TOM1L1: variants seen among roughly 807,000 people sequenced by gnomAD.
The protein encoded by TOM1L1 is TOM1-like protein 1.
TOM1L1 carries 64 observed loss-of-function variants against 63.4 expected under a neutral mutation model. The observed-to-expected ratio is 1.01, with a 90% CI of 0.83 to 1.24. TOM1L1 has a LOEUF of 1.24. Among genes scored for constraint, TOM1L1 ranks in the 50% most tolerant of loss-of-function variants. The pLI is 0.00. For missense variants in TOM1L1, 536 were observed against 567.0 expected (o/e 0.95, Z 0.55); for synonymous variants, 166 against 194.4 (o/e 0.85, Z 1.22).
At chr17:54,940,817 A>T (rs937175515) in intron 11 of TOM1L1, among the ~76,000 whole-genome samples, 1 of 152,316 alleles carries the variant, frequency 6.6e-6, no homozygotes, top group East Asian at 1.9e-4. Context: ...AAAAAGAGTG[A>T]AAGAGTGGTT....
chr17:54,919,233 G>C (rs1184183044), intron 7 of TOM1L1, among the ~76,000 whole-genome samples: 1 of 152,146 alleles, frequency 6.6e-6, no homozygotes, highest in African/African-American at 2.4e-5. Flanking sequence ...ATGTTAACAC[G>C]TGTGTTAAAC....
At position 54,930,175 on chromosome 17, in the gene TOM1L1, G is replaced by A; in HGVS notation, c.823G>A (p.Asp275Asn). The A allele has an allele frequency of 6.2e-7, 1 of 1,614,084 alleles. No homozygotes were observed. The highest frequency in any genetic ancestry group is 2.2e-5 in the East Asian group (1 of 44,864). ...VTVELIQVNE[D>N]LNNAILGYER... is the part of the protein sequence containing the mutation. ...TGTTGAGCTAATTCAGGTGAATGAG[G>A]ATTTGAATAATGCTATCCTTGGATA... is the stretch of plus-strand genomic sequence containing the variant. Residue 275 changes from aspartate to asparagine, a missense_variant, in exon 8 of 16, where the codon GAT (aspartate) becomes AAT (asparagine). Asp to Asn is a conservative substitution (Grantham distance 23). Coordinates refer to ENST00000575882, the MANE Select transcript of TOM1L1 (RefSeq NM_005486.3).
rs1357503327 is a variant in TOM1L1 at position 54,930,520 on chromosome 17, CA to C, written c.854+315del. ...AGGAATTCCAGACCAGCCCTGACAA[CA>C]TAGTAAGACCCTGTCTCTACAAAAA... On this transcript the variant is annotated intron_variant, in intron 8 of 15. Coordinates refer to ENST00000575882, the MANE Select transcript of TOM1L1 (RefSeq NM_005486.3). 1,936 of 249,706 alleles carry C rather than the reference CA, an allele frequency of 7.8e-3. 29 individuals are homozygous for C. Among genetic ancestry groups the C allele is most frequent in the African/African-American group, 0.04 (1,797 of 44,482 alleles). 15.5% of individuals were successfully genotyped at this position (249,706 alleles called of 1,614,324 possible). A position where few individuals can be genotyped will look rare whatever the true frequency, so the allele number is the denominator to read the frequency against.
intron 11 of TOM1L1, among the ~76,000 whole-genome samples, chr17:54,939,850 T>C (rs974286812): frequency 2.6e-5 from 4 of 152,186 alleles, no homozygotes; most frequent in African/African-American, 9.6e-5. Flanking sequence ...CAGCCTGTTA[T>C]CATTATTCCC....
chr17:54,911,676 T>A (rs1459515190), intron 3 of TOM1L1, among the ~76,000 whole-genome samples: 1 of 152,204 alleles, frequency 6.6e-6, no homozygotes, highest in African/African-American at 2.4e-5. Context: ...ACCCACATCA[T>A]CTTAGTTTAG....
At chr17:54,929,744 T>G (rs2048826683) in intron 7 of TOM1L1, among the ~76,000 whole-genome samples, 1 of 151,580 alleles carries the variant, frequency 6.6e-6, no homozygotes, top group Non-Finnish European at 1.5e-5. Context: ...AACATGTGTT[T>G]TTTTTTTTTT....
intron 11 of TOM1L1, among the ~76,000 whole-genome samples, chr17:54,944,794 A>G (rs578173349): frequency 6.6e-6 from 1 of 152,272 alleles, no homozygotes; most frequent in East Asian, 1.9e-4. Context: ...TTCTATAGAT[A>G]ATGTATTGTG....
At chr17:54,937,512 A>G (rs969318779) in intron 10 of TOM1L1, 3 of 379,484 alleles carry the variant, frequency 7.9e-6, no homozygotes, top group African/African-American at 6.2e-5. Context: ...AATGGCCAAT[A>G]CTTAAAGTCT....
At chr17:54,931,919 G>T (rs72829484) in intron 8 of TOM1L1, among the ~76,000 whole-genome samples, 34,780 of 150,738 alleles carry the variant, frequency 0.23, 4,585 homozygotes, top group Non-Finnish European at 0.29. Flanking sequence ...AACCATGCTT[G>T]CTTTCTTTCT....
intron 7 of TOM1L1, among the ~76,000 whole-genome samples, chr17:54,918,697 A>C (rs2048632336): frequency 6.6e-6 from 1 of 152,194 alleles, no homozygotes; most frequent in Non-Finnish European, 1.5e-5. Context: ...AACTTAAGAG[A>C]GTATTTCTCA....
chr17:54,952,504 G>GC (rs1433628293), intron 14 of TOM1L1: 1 of 132,274 alleles, frequency 7.6e-6, no homozygotes, highest in Non-Finnish European at 1.5e-5. Flanking sequence ...CCCAGATCGT[G>GC]CCCCACTGCA....
rs1251804671 is a variant in TOM1L1 at position 54,913,899 on chromosome 17, G to T, written c.498+26G>T. 3 of 1,595,744 alleles carry T rather than the reference G, an allele frequency of 1.9e-6. No individual in the cohort carries two copies. In the Admixed American group the frequency reaches 5.1e-5, roughly 27 times the overall value. On this transcript the variant is annotated intron_variant, in intron 5 of 15. Transcript: ENST00000575882. ...GTAGGAGGCCTTTCTTTGACCCATG[G>T]AGACTATAGTAGTGTATCACTTGGG...
At chr17:54,959,730 A>G (rs1402529056) in intron 14 of TOM1L1, among the ~76,000 whole-genome samples, 1 of 151,248 alleles carries the variant, frequency 6.6e-6, no homozygotes, top group Non-Finnish European at 1.5e-5. Flanking sequence ...TGATCCTCCG[A>G]CCTCAGCTTC....
intron 13 of TOM1L1, 52 bp from the exon 14 acceptor site, chr17:54,949,993 T>G: frequency 7.3e-7 from 1 of 1,374,300 alleles, no homozygotes; most frequent in Non-Finnish European, 1.0e-6. Flanking sequence ...ATCAATTGCG[T>G]GTACTCCTCA....
intron 7 of TOM1L1, among the ~76,000 whole-genome samples, chr17:54,920,640 T>C (rs1310665011): frequency 6.6e-6 from 1 of 152,106 alleles, no homozygotes; most frequent in African/African-American, 2.4e-5. Context: ...AGAGCAAGAA[T>C]GAATAGGCCT....
intron 1 of TOM1L1, chr17:54,901,285 C>T (rs1018088523): frequency 1.3e-5 from 4 of 319,822 alleles, no homozygotes; most frequent in Non-Finnish European, 2.4e-5. Flanking sequence ...CTCCAGGGCA[C>T]GGTATTGTTA....
chr17:54,941,240 A>T lies in TOM1L1; in HGVS notation c.1130+2220A>T, dbSNP rs997430069. 2.6e-5 allele frequency among the ~76,000 whole-genome samples: 4 copies of T among 152,226 alleles called. No individual in the cohort carries two copies. The South Asian group carries it at 8.3e-4, about 32-fold the overall frequency. On this transcript the variant is annotated intron_variant, in intron 11 of 15. Coordinates refer to ENST00000575882, the MANE Select transcript of TOM1L1 (RefSeq NM_005486.3). ...ATCAGTGGATTTAGATTTTTTAAAA[A>T]GTTTCCTAGTGTTTTGTTTAAATAC...
intron 9 of TOM1L1, 118 bp downstream of exon 9, chr17:54,936,827 G>A: frequency 1.1e-6 from 1 of 901,182 alleles, no homozygotes. Context: ...ATAATTTGGA[G>A]TGGTTTTAAT....
chr17:54,916,206 A>G, intron 7 of TOM1L1: 1 of 355,408 alleles, frequency 2.8e-6, no homozygotes, highest in Non-Finnish European at 5.0e-6. Flanking sequence ...AGGGATGTAG[A>G]AATGAGAAGG....
Sources: allele counts gnomAD v4.1 joint callset (sites outside exome capture counted in the v4.1 genomes callset), GRCh38; gene constraint gnomAD v4.1.1; transcripts MANE v1.5; gene names NCBI Gene and HGNC (gene_info 2026-07-23, HGNC 2026-07-21).